Variants in GSN observed in about 807,000 individuals in gnomAD.
GSN encodes actin-depolymerizing factor.
GSN carries 56 observed loss-of-function variants against 85.7 expected under a neutral mutation model. The observed-to-expected ratio is 0.65, with a 90% confidence interval of 0.53 to 0.82. GSN has a LOEUF of 0.82. GSN is among the 40% of genes least tolerant of loss of function. The pLI is 0.00. For synonymous variants in GSN, 373 were observed against 399.1 expected (o/e 0.93, Z 0.78); for missense variants, 857 against 979.8 (o/e 0.87, Z 1.67).
In GSN at chr9:121,310,667, T is replaced by C. The variant is rs749537295; in HGVS notation, c.352-17T>C. ...GGCCTTCTCCCCTGGGCTAATGCTG[T>C]CTCTTTGGCCCCACAGAAAGGAGGT... On this transcript the variant is annotated splice_polypyrimidine_tract_variant and intron_variant, in intron 4 of 17. Coordinates refer to ENST00000432226, the MANE Select transcript of GSN (RefSeq NM_198252.3). 2 of 1,613,600 alleles carry C rather than the reference T, an allele frequency of 1.2e-6. No individual in the cohort carries two copies. Among genetic ancestry groups the C allele is most frequent in the South Asian group, 1.1e-5 (1 of 91,056 alleles).
At chr9:121,264,832 G>A (rs2055164903), upstream of GSN, among the ~76,000 whole-genome samples, 1 of 152,176 alleles carries the variant, frequency 6.6e-6, no homozygotes, top group Non-Finnish European at 1.5e-5. Context: ...TGTCACTCGG[G>A]CCAGAGTTAA....
chr9:121,318,402 A>G lies in GSN; in HGVS notation c.887-4A>G, dbSNP rs889985144. Reference sequence around the variant, plus strand: ...CCTCCATCACTTCCTCTGGCTGCCAACAGGCAAGCAGGCAAACACGGAGGA... The same window carrying G: ...CCTCCATCACTTCCTCTGGCTGCCAGCAGGCAAGCAGGCAAACACGGAGGA... On this transcript the variant is annotated splice_polypyrimidine_tract_variant and splice_region_variant and intron_variant, in intron 8 of 17. Transcript: ENST00000432226. This position sits in a 1 kb window ranked among gnomAD's most constrained non-coding sequence, Gnocchi z 4.3. 1.3e-5 allele frequency: 21 copies of G among 1,612,580 alleles called. No individual in the cohort carries two copies. The highest frequency in any genetic ancestry group is 1.8e-5 in the Non-Finnish European group (21 of 1,178,698).
At chr9:121,300,913 C>T (rs2059773238) in intron 2 of GSN, among the ~76,000 whole-genome samples, 2 of 152,150 alleles carry the variant, frequency 1.3e-5, no homozygotes, top group African/African-American at 4.8e-5. Flanking sequence ...CTCAGGTGGG[C>T]TCACCTCGAT....
In GSN at chr9:121,332,742, A is replaced by G; in HGVS notation, c.*139A>G. ...TGTTGTTTCTTTTTTTTTTTTTTAC[A>G]GTATCCAAAAATAGCCCTGCAAAAA... On this transcript the variant is annotated 3_prime_UTR_variant, in exon 18 of 18. Coordinates refer to ENST00000432226, the MANE Select transcript of GSN (RefSeq NM_198252.3). The surrounding 1 kb of genome is among the most constrained non-coding windows in gnomAD (Gnocchi z 4.8). 1 of 641,044 alleles carries G rather than the reference A, an allele frequency of 1.6e-6. No homozygotes were observed. Among genetic ancestry groups the G allele is most frequent in the Non-Finnish European group, 2.7e-6 (1 of 377,194 alleles). 39.7% of individuals were successfully genotyped at this position (641,044 alleles called of 1,614,324 possible).
intron 5 of GSN, chr9:121,239,365 ATGT>A (rs2054558288): frequency 1.1e-5 from 5 of 450,808 alleles, no homozygotes; most frequent in South Asian, 9.4e-5. Flanking sequence ...AAACAGGCAG[ATGT>A]TGTCCATTGA....
intron 6 of GSN, among the ~76,000 whole-genome samples, chr9:121,250,802 G>A (rs1210364798): frequency 6.6e-6 from 1 of 151,242 alleles, no homozygotes; most frequent in Non-Finnish European, 1.5e-5. Flanking sequence ...CTCCCAAAAT[G>A]CTGGGGTTAC....
intron 5 of GSN, among the ~76,000 whole-genome samples, chr9:121,244,619 G>T (rs924811802): frequency 3.9e-5 from 6 of 152,188 alleles, no homozygotes; most frequent in Non-Finnish European, 8.8e-5. Flanking sequence ...ATAAAAAGGT[G>T]CATGTGCAAG....
intron 11 of GSN, 63 bp from the exon 12 acceptor site, chr9:121,324,490 AG>A: frequency 1.2e-6 from 1 of 827,556 alleles, no homozygotes; most frequent in Non-Finnish European, 2.0e-6. Flanking sequence ...TCTCAGACTC[AG>A]GGCAAGGGAG....
chr9:121,323,508 T>A (rs2062762300), intron 11 of GSN, among the ~76,000 whole-genome samples: 1 of 151,780 alleles, frequency 6.6e-6, no homozygotes, highest in Non-Finnish European at 1.5e-5. Context: ...TATCTGGGAC[T>A]ACAGGTGTGC....
chr9:121,325,385 G>A (rs553003421), intron 12 of GSN, among the ~76,000 whole-genome samples: 2 of 152,260 alleles, frequency 1.3e-5, no homozygotes, highest in Non-Finnish European at 1.5e-5. Flanking sequence ...ACATGCAAAG[G>A]CCCTGAGGTG....
At chr9:121,320,089 C>G (rs977526902) in intron 10 of GSN, among the ~76,000 whole-genome samples, 2 of 152,192 alleles carry the variant, frequency 1.3e-5, no homozygotes, top group African/African-American at 4.8e-5. Context: ...GTTACATAAC[C>G]TCTTTGAGCT....
At chr9:121,264,865 A>C (rs1354192872), upstream of GSN, among the ~76,000 whole-genome samples, 3 of 152,196 alleles carry the variant, frequency 2.0e-5, no homozygotes, top group African/African-American at 7.2e-5. Flanking sequence ...TAGGCATCTG[A>C]TCCAACTTAG....
At chr9:121,293,470 C>T (rs181620917) in intron 2 of GSN, among the ~76,000 whole-genome samples, 454 of 151,790 alleles carry the variant, frequency 3.0e-3, no homozygotes, top group Non-Finnish European at 4.9e-3. Flanking sequence ...TTTAATAGGC[C>T]GGGCGCGGTG....
chr9:121,277,846 C>T (rs1194779065), intron 1 of GSN, among the ~76,000 whole-genome samples: 1 of 151,996 alleles, frequency 6.6e-6, no homozygotes, highest in East Asian at 1.9e-4. Context: ...CTGGGGAGGC[C>T]CCAGTCTGTT....
At chr9:121,229,888 T>C (rs1043767779) in intron 4 of GSN, among the ~76,000 whole-genome samples, 5 of 152,192 alleles carry the variant, frequency 3.3e-5, no homozygotes, top group African/African-American at 1.2e-4. Context: ...TGCAAAATAG[T>C]GTTTTTCTAA....
chr9:121,332,410 C>T lies in GSN; in HGVS notation c.2027-24C>T. 6.2e-7 allele frequency: 1 copy of T among 1,612,418 alleles called. No individual in the cohort carries two copies. On this transcript the variant is annotated intron_variant, in intron 17 of 17. Coordinates refer to ENST00000432226, the MANE Select transcript of GSN (RefSeq NM_198252.3). This position sits in a 1 kb window ranked among gnomAD's most constrained non-coding sequence, Gnocchi z 4.8. ...AGGCACTAAGAATTCCTGGGGTTTC[C>T]TTTTCTTGCACGTGTGTCTGCAGCT...
intron 7 of GSN, among the ~76,000 whole-genome samples, chr9:121,316,129 G>T (rs1158195224): frequency 6.6e-6 from 1 of 152,182 alleles, no homozygotes; most frequent in African/African-American, 2.4e-5. Flanking sequence ...TTTACCCAGA[G>T]CCTTGCCAAC....
intron 5 of GSN, chr9:121,238,084 C>T (rs2054532678): frequency 6.6e-6 from 1 of 152,286 alleles, no homozygotes; most frequent in Non-Finnish European, 1.5e-5. Context: ...CAGCATTTCA[C>T]AAGTATATTA....
chr9:121,317,786 A>G (rs1474529832), intron 8 of GSN: 3 of 197,308 alleles, frequency 1.5e-5, no homozygotes, highest in East Asian at 1.2e-4. Flanking sequence ...TCTAAGGCTC[A>G]TCTTGGGGAA....
Sources: allele counts gnomAD v4.1 joint callset (sites outside exome capture counted in the v4.1 genomes callset), GRCh38; gene constraint gnomAD v4.1.1; non-coding constraint Gnocchi (gnomAD v3.1); transcripts MANE v1.5; gene names NCBI Gene and HGNC (gene_info 2026-07-23, HGNC 2026-07-21).